The following LRRTM4 variants were observed in gnomAD, a reference collection of about 807,000 sequenced individuals.
The protein encoded by LRRTM4 is leucine rich repeat transmembrane neuronal 4.
In LRRTM4, 25 loss-of-function variants were observed where a neutral mutation model predicts 47.6. The observed-to-expected ratio is 0.53, with a 90% CI of 0.38 to 0.73. The LOEUF is 0.73. LRRTM4 is among the 30% of genes least tolerant of loss of function. LRRTM4 has a pLI of 0.00. For synonymous variants in LRRTM4, 311 were observed against 269.5 expected (o/e 1.15, Z -1.51); for missense variants, 638 against 713.4 (o/e 0.89, Z 1.20).
chr2:76,777,496 T>C (rs1334515807), intron 3 of LRRTM4, among the ~76,000 whole-genome samples: 1 of 138,580 alleles, frequency 7.2e-6, no homozygotes, highest in African/African-American at 2.8e-5. Flanking sequence ...GTTGGATTCC[T>C]AGGTATTTTA....
chr2:76,990,702 G>T (rs538581833), intron 3 of LRRTM4, among the ~76,000 whole-genome samples: 1 of 151,736 alleles, frequency 6.6e-6, no homozygotes, highest in Non-Finnish European at 1.5e-5. Flanking sequence ...ATAATAGTGA[G>T]GGACATCAAC....
intron 3 of LRRTM4, among the ~76,000 whole-genome samples, chr2:77,169,655 T>A (rs1222432574): frequency 6.6e-6 from 1 of 152,138 alleles, no homozygotes; most frequent in African/African-American, 2.4e-5. Flanking sequence ...AATACTTGCC[T>A]GCCCTTTTTC....
chr2:77,221,919 C>T (rs1674647200), intron 3 of LRRTM4, among the ~76,000 whole-genome samples: 1 of 152,162 alleles, frequency 6.6e-6, no homozygotes, highest in Admixed American at 6.5e-5. Flanking sequence ...TTCAGCACCA[C>T]ACCACACTTA....
intron 3 of LRRTM4, among the ~76,000 whole-genome samples, chr2:77,269,788 T>G (rs746545098): frequency 6.6e-6 from 1 of 152,224 alleles, no homozygotes. Flanking sequence ...AATATTATAA[T>G]GTTCAACAAA....
At chr2:76,824,654 T>C (rs555991901) in intron 3 of LRRTM4, among the ~76,000 whole-genome samples, 22 of 148,762 alleles carry the variant, frequency 1.5e-4, no homozygotes, top group African/African-American at 5.2e-4. Flanking sequence ...TATTTGGCTG[T>C]TTGTGGATAT....
intron 3 of LRRTM4, among the ~76,000 whole-genome samples, chr2:77,050,369 T>C (rs1408578091): frequency 1.1e-4 from 16 of 152,150 alleles, no homozygotes. Flanking sequence ...ATGCTATTTA[T>C]AATTGTAGGG....
At chr2:77,117,967 T>G (rs1671432213) in intron 3 of LRRTM4, among the ~76,000 whole-genome samples, 1 of 151,986 alleles carries the variant, frequency 6.6e-6, no homozygotes, top group South Asian at 2.1e-4. Flanking sequence ...ACAGTGAATG[T>G]GCACTGCAAA....
intron 3 of LRRTM4, among the ~76,000 whole-genome samples, chr2:77,438,671 G>A (rs1425163615): frequency 6.6e-6 from 1 of 152,074 alleles, no homozygotes; most frequent in South Asian, 2.1e-4. Context: ...CTCCCAAAGG[G>A]CTGGGATTAC....
intron 3 of LRRTM4, among the ~76,000 whole-genome samples, chr2:76,788,059 A>T (rs1674775783): frequency 6.6e-6 from 1 of 152,190 alleles, no homozygotes; most frequent in Non-Finnish European, 1.5e-5. Context: ...AATGAATGTT[A>T]CTGTTGTTAC....
At chr2:77,024,663 TTA>T (rs1383784326) in intron 3 of LRRTM4, among the ~76,000 whole-genome samples, 1 of 152,122 alleles carries the variant, frequency 6.6e-6, no homozygotes, top group East Asian at 1.9e-4. Flanking sequence ...ATAATAAAAC[TTA>T]TTTTACTCAC....
In LRRTM4 at chr2:76,781,511, G is replaced by A. The variant is rs1040402312; in HGVS notation, c.1552-32595C>T. 4.6e-5 allele frequency among the ~76,000 whole-genome samples: 7 copies of A among 152,214 alleles called. No homozygotes were observed. In the East Asian group the frequency reaches 9.6e-4, roughly 21 times the overall value. On this transcript the variant is annotated intron_variant, in intron 3 of 3. Transcript: ENST00000409884. ...CGCAGTATTCGGGTGGGAGTGACCC[G>A]ATTTTCCAGGTGCGGTGCATCACCC...
At chr2:76,950,028 CATGA>C (rs1675446372) in intron 3 of LRRTM4, among the ~76,000 whole-genome samples, 2 of 151,948 alleles carry the variant, frequency 1.3e-5, no homozygotes, top group South Asian at 4.1e-4. Context: ...TAAGCTTGGA[CATGA>C]ATGAGTGAGA....
chr2:77,402,026 A>G (rs1203169415), intron 3 of LRRTM4, among the ~76,000 whole-genome samples: 2 of 152,046 alleles, frequency 1.3e-5, no homozygotes, highest in Admixed American at 6.6e-5. Flanking sequence ...ATATAAATAT[A>G]TTGTACATAG....
chr2:76,853,974 T>C (rs1672071051), intron 3 of LRRTM4, among the ~76,000 whole-genome samples: 2 of 152,192 alleles, frequency 1.3e-5, no homozygotes, highest in African/African-American at 4.8e-5. Context: ...AAATTTCAGT[T>C]GCTCATTTTT....
intron 3 of LRRTM4, among the ~76,000 whole-genome samples, chr2:77,164,773 A>G (rs1672832143): frequency 6.6e-6 from 1 of 152,196 alleles, no homozygotes; most frequent in Non-Finnish European, 1.5e-5. Flanking sequence ...AGTGAGAACA[A>G]AGACACAACA....
chr2:77,251,137 G>GTA (rs1431689380), intron 3 of LRRTM4, among the ~76,000 whole-genome samples: 5 of 141,582 alleles, frequency 3.5e-5, no homozygotes, highest in Non-Finnish European at 6.1e-5. Flanking sequence ...ACATATATAT[G>GTA]TATATATATG....
chr2:77,302,204 A>C (rs1479594404), intron 3 of LRRTM4, among the ~76,000 whole-genome samples: 6 of 152,220 alleles, frequency 3.9e-5, no homozygotes, highest in Non-Finnish European at 8.8e-5. Context: ...GTTTAAATTT[A>C]AAGTAATAAA....
chr2:77,433,282 T>C (rs1206823319), intron 3 of LRRTM4, among the ~76,000 whole-genome samples: 1 of 151,896 alleles, frequency 6.6e-6, no homozygotes, highest in Admixed American at 6.6e-5. Flanking sequence ...TCCTTAAAAA[T>C]GAAAATAGGA....
chr2:76,938,606 T>G (rs539151779), intron 3 of LRRTM4, among the ~76,000 whole-genome samples: 1 of 152,132 alleles, frequency 6.6e-6, no homozygotes, highest in Non-Finnish European at 1.5e-5. Context: ...AGATACTACA[T>G]TTCAAGTAAT....
Sources: allele counts gnomAD v4.1 joint callset (sites outside exome capture counted in the v4.1 genomes callset), GRCh38; gene constraint gnomAD v4.1.1; transcripts MANE v1.5; gene names NCBI Gene and HGNC (gene_info 2026-07-23, HGNC 2026-07-21).